Variants in CCSER1 observed in about 807,000 individuals in gnomAD.
CCSER1 encodes coiled-coil serine rich protein 1, also known as serine-rich coiled-coil domain-containing protein 1.
In CCSER1, 41 loss-of-function variants were observed where a neutral mutation model predicts 82.0. The observed-to-expected ratio is 0.50, with a 90% CI of 0.39 to 0.65. The LOEUF (loss-of-function observed/expected upper bound fraction) is 0.65, where lower values mean the gene tolerates loss of function less well. Among genes scored for constraint, CCSER1 ranks in the 30% least tolerant of loss-of-function variants. The pLI, the probability that CCSER1 is intolerant of heterozygous loss-of-function variation, is 0.00. For missense variants in CCSER1, 1,119 were observed against 1,064.2 expected, an observed-to-expected ratio of 1.05 and a Z score of -0.72; for synonymous variants, 414 against 383.9, an observed-to-expected ratio of 1.08 and a Z score of -0.92.
At chr4:91,203,899 T>A (rs1736132985) in intron 10 of CCSER1, among the ~76,000 whole-genome samples, 2 of 152,016 alleles carry the variant, frequency 1.3e-5, no homozygotes, top group East Asian at 1.9e-4. Flanking sequence ...AGTAAAAGAT[T>A]AGTGTCTAAT....
At chr4:91,491,113 A>C (rs1375455621) in intron 10 of CCSER1, among the ~76,000 whole-genome samples, 1 of 151,142 alleles carries the variant, frequency 6.6e-6, no homozygotes, top group Non-Finnish European at 1.5e-5. Context: ...TGGCTTAATA[A>C]AGTTAAGAAG....
chr4:90,435,254 G>T (rs143521643), intron 4 of CCSER1, among the ~76,000 whole-genome samples: 48 of 151,706 alleles, frequency 3.2e-4, no homozygotes, highest in African/African-American at 1.1e-3. Context: ...ACTTTTTAAA[G>T]CTTCTGTTTA....
At chr4:91,480,257 C>T (rs950393318) in intron 10 of CCSER1, among the ~76,000 whole-genome samples, 1 of 152,114 alleles carries the variant, frequency 6.6e-6, no homozygotes, top group African/African-American at 2.4e-5. Flanking sequence ...GGTATATACC[C>T]AGTAATGGGA....
chr4:91,381,173 G>A (rs201705635), intron 10 of CCSER1, among the ~76,000 whole-genome samples: 11 of 152,088 alleles, frequency 7.2e-5, no homozygotes, highest in Middle Eastern at 6.8e-3. Context: ...TATGGCTGCC[G>A]TTAACATTTT....
At chr4:91,478,951 G>T (rs543439235) in intron 10 of CCSER1, among the ~76,000 whole-genome samples, 33 of 151,748 alleles carry the variant, frequency 2.2e-4, no homozygotes, top group African/African-American at 7.5e-4. Flanking sequence ...ACACACTTTA[G>T]TAATATATGT....
At chr4:90,813,435 G>A (rs1014507354) in intron 7 of CCSER1, among the ~76,000 whole-genome samples, 11 of 152,180 alleles carry the variant, frequency 7.2e-5, no homozygotes, top group African/African-American at 1.9e-4. Flanking sequence ...ACAGCCTGGT[G>A]GTGAGTGCCT....
chr4:91,162,006 G>A (rs1465239528), intron 10 of CCSER1, among the ~76,000 whole-genome samples: 1 of 152,052 alleles, frequency 6.6e-6, no homozygotes, highest in Non-Finnish European at 1.5e-5. Flanking sequence ...ATCCTTGTCT[G>A]GTGCCAGATT....
intron 10 of CCSER1, among the ~76,000 whole-genome samples, chr4:91,416,943 G>T (rs189757146): frequency 3.9e-5 from 6 of 152,072 alleles, no homozygotes; most frequent in African/African-American, 1.4e-4. Context: ...GAAAATTTTT[G>T]CAATCTGTCC....
intron 10 of CCSER1, among the ~76,000 whole-genome samples, chr4:91,127,712 T>C (rs1234696592): frequency 6.6e-6 from 1 of 152,058 alleles, no homozygotes; most frequent in Non-Finnish European, 1.5e-5. Flanking sequence ...CAACTCAGAA[T>C]GTTTCTACCT....
intron 10 of CCSER1, among the ~76,000 whole-genome samples, chr4:91,262,074 G>A (rs1741230077): frequency 6.6e-6 from 1 of 152,130 alleles, no homozygotes; most frequent in East Asian, 1.9e-4. Flanking sequence ...AGTAAAAATT[G>A]TAATAAATAA....
intron 8 of CCSER1, among the ~76,000 whole-genome samples, chr4:90,903,347 C>T (rs997016337): frequency 1.3e-5 from 2 of 152,000 alleles, no homozygotes; most frequent in Admixed American, 6.6e-5. Flanking sequence ...TTCATTTTCT[C>T]TTGCCACCAC....
rs147678261 is a variant in CCSER1 at position 90,315,642 on chromosome 4, C to T, written c.1509+2595C>T. On this transcript the variant is annotated intron_variant, in intron 3 of 10. Transcript: ENST00000509176. The stretch of plus-strand genomic sequence containing the variant: ...CCTCAGCCTCCCGAGTAGCTGGGAC[C>T]ACAAGTGTGTGCCACCATGCCTGCC... Among the ~76,000 whole-genome samples, 636 of 151,920 alleles carry T rather than the reference C, an allele frequency of 4.2e-3. 6 individuals carry two copies. The highest frequency in any genetic ancestry group is 0.015 in the African/African-American group (607 of 41,412).
At chr4:90,138,274 C>G (rs111251042) in intron 1 of CCSER1, among the ~76,000 whole-genome samples, 1 of 152,106 alleles carries the variant, frequency 6.6e-6, no homozygotes, top group Non-Finnish European at 1.5e-5. Context: ...TCAATACAGC[C>G]TCAAACTCCT....
At position 90,514,316 on chromosome 4, in the gene CCSER1, ATATT is replaced by A. The variant is rs577346508; in HGVS notation, c.1724+45968_1724+45971del. ...AAATTTTATCAGTGCATTGCCTTTG[ATATT>A]TATTTTAGATGGAATTAATCATACA... is the stretch of plus-strand genomic sequence containing the variant. On this transcript the variant is annotated intron_variant, in intron 5 of 10. Transcript: ENST00000509176. 1.1e-4 allele frequency among the ~76,000 whole-genome samples: 17 copies of A among 152,274 alleles called. No homozygotes were observed. The South Asian group carries it at 3.5e-3, about 32-fold the overall frequency.
intron 10 of CCSER1, among the ~76,000 whole-genome samples, chr4:91,331,936 GT>G (rs1746984867): frequency 6.6e-6 from 1 of 152,020 alleles, no homozygotes; most frequent in Non-Finnish European, 1.5e-5. Flanking sequence ...AAACAAAGCT[GT>G]TTTCATCACC....
intron 10 of CCSER1, among the ~76,000 whole-genome samples, chr4:91,191,461 CTTACT>C (rs1395511206): frequency 1.3e-5 from 2 of 152,068 alleles, no homozygotes; most frequent in Non-Finnish European, 2.9e-5. Flanking sequence ...TCAGAATTAC[CTTACT>C]TTATGAATTT....
At chr4:90,584,758 T>C (rs1781802777) in intron 5 of CCSER1, among the ~76,000 whole-genome samples, 1 of 152,150 alleles carries the variant, frequency 6.6e-6, no homozygotes, top group Non-Finnish European at 1.5e-5. Flanking sequence ...TCAAATAATA[T>C]ATCAGACTAT....
At chr4:90,442,978 C>T (rs1339092772) in intron 4 of CCSER1, among the ~76,000 whole-genome samples, 2 of 152,000 alleles carry the variant, frequency 1.3e-5, no homozygotes, top group South Asian at 2.1e-4. Context: ...GATGTAAGTC[C>T]CCCAGTAGAT....
At chr4:90,145,314 A>G (rs1036101367) in intron 1 of CCSER1, among the ~76,000 whole-genome samples, 7 of 152,152 alleles carry the variant, frequency 4.6e-5, no homozygotes, top group Admixed American at 1.3e-4. Flanking sequence ...CACATAATCA[A>G]AATAACTCAT....
Sources: allele counts gnomAD v4.1 joint callset (sites outside exome capture counted in the v4.1 genomes callset), GRCh38; gene constraint gnomAD v4.1.1; transcripts MANE v1.5; gene names NCBI Gene and HGNC (gene_info 2026-07-23, HGNC 2026-07-21).